Variants in TRPM7 observed in about 807,000 individuals in gnomAD.
The protein encoded by TRPM7 is transient receptor potential cation channel subfamily M member 7.
A neutral mutation model predicts 229.7 loss-of-function variants in TRPM7; 134 were observed. The observed-to-expected ratio is 0.58, with a 90% CI of 0.51 to 0.67. TRPM7 has a LOEUF of 0.67. Ranked by LOEUF, TRPM7 falls within the 30% of genes least tolerant of loss-of-function variation. The pLI, the probability that TRPM7 is intolerant of heterozygous loss-of-function variation, is 0.00. For synonymous variants in TRPM7, 699 were observed against 715.2 expected (o/e 0.98, Z 0.36); for missense variants, 1,901 against 2,210.0 (o/e 0.86, Z 2.80).
At chr15:50,590,280 A>C (rs2140351443) in intron 26 of TRPM7, among the ~76,000 whole-genome samples, 1 of 152,298 alleles carries the variant, frequency 6.6e-6, no homozygotes, top group South Asian at 2.1e-4. Flanking sequence ...TTTACTATTA[A>C]TAAAAAAAAA....
intron 5 of TRPM7, among the ~76,000 whole-genome samples, chr15:50,642,320 T>C (rs933342220): frequency 1.3e-5 from 2 of 152,218 alleles, no homozygotes; most frequent in African/African-American, 4.8e-5. Flanking sequence ...GGGTATACCA[T>C]CTCTGTCACA....
intron 2 of TRPM7, among the ~76,000 whole-genome samples, chr15:50,658,653 T>C (rs980576364): frequency 6.6e-6 from 1 of 151,390 alleles, no homozygotes; most frequent in Non-Finnish European, 1.5e-5. Context: ...ATTTATATAA[T>C]CCCTATGGAA....
In TRPM7 at chr15:50,632,992, C is replaced by G; in HGVS notation, c.1008G>C (p.Gly336=). 6.3e-7 allele frequency: 1 copy of G among 1,576,636 alleles called. No homozygotes were observed. Among genetic ancestry groups the G allele is most frequent in the Non-Finnish European group, 8.6e-7 (1 of 1,169,224 alleles). Residue 336 remains glycine (G), a splice_region_variant and synonymous_variant, in exon 9 of 39, where the codon GGG becomes GGC. Transcript: ENST00000646667. The part of the protein sequence containing the change: ...AYIHKQTEEG[G]NLPDAAEPDI... ...CGGGCTCTGCTGCATCAGGAAGATT[C>G]CTGGAATAAAAGGAAACATAATTCA...
Position 50,650,737 on chromosome 15 carries a change from C to A in TRPM7, c.123-1852G>T, listed in dbSNP as rs143168047. Among the ~76,000 whole-genome samples the A allele has an allele frequency of 1.1e-4, 16 of 152,088 alleles. No individual in the cohort carries two copies. The East Asian group carries it at 3.1e-3, about 29-fold the overall frequency. On this transcript the variant is annotated intron_variant, in intron 3 of 38. Coordinates refer to ENST00000646667, the MANE Select transcript of TRPM7 (RefSeq NM_017672.6). ...ACAAAAAAATCAGACCTAGACAGCCCATGCCCTGACAAAGTTTAAGAGCAA... is the reference window on the plus strand; with the variant it reads ...ACAAAAAAATCAGACCTAGACAGCCAATGCCCTGACAAAGTTTAAGAGCAA...
intron 12 of TRPM7, among the ~76,000 whole-genome samples, chr15:50,620,931 C>A (rs540772382): frequency 1.7e-5 from 2 of 115,322 alleles, no homozygotes; most frequent in South Asian, 3.0e-4. Flanking sequence ...AAACTCCATC[C>A]CCCAAAAAAG....
chr15:50,585,055 T>TTG (rs2054624960), intron 28 of TRPM7, among the ~76,000 whole-genome samples: 1 of 138,620 alleles, frequency 7.2e-6, no homozygotes. Context: ...TTTGTATTTT[T>TTG]TTTTTTTTTT....
At chr15:50,619,643 G>C in intron 13 of TRPM7, 102 bp downstream of exon 13, 1 of 979,838 alleles carries the variant, frequency 1.0e-6, no homozygotes. Flanking sequence ...TAATTTTATT[G>C]GTATTTCTAA....
chr15:50,609,086 T>C (rs952477372), intron 19 of TRPM7, among the ~76,000 whole-genome samples: 6 of 152,158 alleles, frequency 3.9e-5, no homozygotes, highest in African/African-American at 1.4e-4. Context: ...GCCAATTATA[T>C]GGAAGGTAAT....
chr15:50,677,283 C>A (rs1478248310), intron 1 of TRPM7, among the ~76,000 whole-genome samples: 2 of 152,010 alleles, frequency 1.3e-5, no homozygotes, highest in African/African-American at 2.4e-5. Context: ...ACCCTCATGA[C>A]CTCATCTACC....
At chr15:50,621,833 C>G (rs2060416000) in intron 12 of TRPM7, among the ~76,000 whole-genome samples, 1 of 152,066 alleles carries the variant, frequency 6.6e-6, no homozygotes, top group Admixed American at 6.6e-5. Flanking sequence ...AGTTCAAGAC[C>G]AACCTGGCCA....
At chr15:50,580,797 T>C (rs904822016) in intron 30 of TRPM7, 77 bp downstream of exon 30, 19 of 1,324,198 alleles carry the variant, frequency 1.4e-5, no homozygotes, top group South Asian at 1.1e-4. Context: ...AAAGAGATGA[T>C]GTAAAGAGCA....
intron 31 of TRPM7, among the ~76,000 whole-genome samples, chr15:50,578,257 AG>A (rs1274292207): frequency 1.3e-5 from 2 of 152,250 alleles, no homozygotes; most frequent in South Asian, 2.1e-4. Context: ...TGTATAGTGG[AG>A]GATGGATTTT....
chr15:50,667,520 G>A (rs377021866), intron 1 of TRPM7, among the ~76,000 whole-genome samples: 5 of 152,072 alleles, frequency 3.3e-5, no homozygotes, highest in East Asian at 3.9e-4. Context: ...CAGCCTGGCC[G>A]ACATGTAAAA....
At chr15:50,613,276 GAT>G (rs2140486277) in intron 15 of TRPM7, among the ~76,000 whole-genome samples, 1 of 152,246 alleles carries the variant, frequency 6.6e-6, no homozygotes, top group East Asian at 1.9e-4. Context: ...GGCTGAGGAG[GAT>G]GGATCACGAG....
chr15:50,652,276 T>C (rs1234310528), intron 3 of TRPM7, among the ~76,000 whole-genome samples: 1 of 124,030 alleles, frequency 8.1e-6, no homozygotes, highest in Non-Finnish European at 1.5e-5. Flanking sequence ...GAGATTGCAG[T>C]GAGCCAAGAT....
At chr15:50,591,777 T>G in intron 26 of TRPM7, 134 bp downstream of exon 26, 1 of 639,438 alleles carries the variant, frequency 1.6e-6, no homozygotes, top group Non-Finnish European at 2.4e-6. Flanking sequence ...GAATCACAGG[T>G]GTCTGATTCT....
At chr15:50,592,682 A>G in intron 25 of TRPM7, 56 bp from the exon 26 acceptor site, 2 of 1,226,488 alleles carry the variant, frequency 1.6e-6, no homozygotes, top group Non-Finnish European at 2.3e-6. Flanking sequence ...GTAGAATTTT[A>G]TTTTGTAGCC....
At chr15:50,626,107 A>G (rs1481921791) in intron 11 of TRPM7, among the ~76,000 whole-genome samples, 1 of 152,218 alleles carries the variant, frequency 6.6e-6, no homozygotes. Flanking sequence ...ATTAGTATGT[A>G]TAACTGCAGC....
Position 50,593,733 on chromosome 15 carries a change from T to C in TRPM7, c.3492A>G (p.Glu1164=). ...AATCATGAAGTTTCTTTTGATCTTC[T>C]TCTGTTAAGAAAAGTTCTATGGGAG... ...TSDGPKLFLT[E]EDQKKLHDFE... is the part of the protein sequence containing the mutation. The change falls in exon 25 of 39, where the codon GAA becomes GAG. Residue 1164 remains glutamate, a synonymous_variant. Transcript: ENST00000646667. The C allele has an allele frequency of 1.2e-6, 2 of 1,609,204 alleles. No homozygotes were observed. The highest frequency in any genetic ancestry group is 8.5e-7 in the Non-Finnish European group (1 of 1,178,750).
Sources: allele counts gnomAD v4.1 joint callset (sites outside exome capture counted in the v4.1 genomes callset), GRCh38; gene constraint gnomAD v4.1.1; transcripts MANE v1.5; gene names NCBI Gene and HGNC (gene_info 2026-07-23, HGNC 2026-07-21).